AGMO: variants seen among roughly 807,000 people sequenced by gnomAD.
AGMO encodes the protein alkylglycerol monooxygenase, also known as glyceryl-ether monooxygenase.
AGMO carries 75 observed loss-of-function variants against 60.2 expected under a neutral mutation model. The observed-to-expected ratio is 1.25, with a 90% CI of 1.03 to 1.51. The LOEUF is 1.51. Ranked by LOEUF, AGMO falls within the 40% of genes most tolerant of loss-of-function variation. The pLI is 0.00. For missense variants in AGMO, 763 were observed against 525.5 expected, an observed-to-expected ratio of 1.45 and a Z score of -4.42; for synonymous variants, 261 against 177.1, an observed-to-expected ratio of 1.47 and a Z score of -3.76.
the AGMO span, among the ~76,000 whole-genome samples, chr7:15,162,690 T>C: frequency 6.6e-6 from 1 of 152,060 alleles, no homozygotes; most frequent in East Asian, 1.9e-4. Flanking sequence ...TAAAATGCCA[T>C]CTCAAAAATA....
At chr7:15,218,508 G>A (rs1038758165) in intron 12 of AGMO, among the ~76,000 whole-genome samples, 3 of 151,662 alleles carry the variant, frequency 2.0e-5, no homozygotes, top group Non-Finnish European at 4.4e-5. Flanking sequence ...TGGTTGAAGG[G>A]AGTGGGCTTC....
At chr7:15,456,211 G>A (rs572006897) in intron 3 of AGMO, among the ~76,000 whole-genome samples, 4 of 151,842 alleles carry the variant, frequency 2.6e-5, no homozygotes, top group Non-Finnish European at 4.4e-5. Context: ...TTTGTTCTCT[G>A]TATTTTTGTT....
intron 3 of AGMO, among the ~76,000 whole-genome samples, chr7:15,521,646 AC>A (rs1783990553): frequency 6.6e-6 from 1 of 152,264 alleles, no homozygotes; most frequent in South Asian, 2.1e-4. Context: ...AAAATTCAAC[AC>A]CCCTTCATGT....
intron 12 of AGMO, among the ~76,000 whole-genome samples, chr7:15,251,569 T>C (rs923989532): frequency 6.6e-6 from 1 of 152,186 alleles, no homozygotes; most frequent in African/African-American, 2.4e-5. Flanking sequence ...GAAAGCAAGA[T>C]AGATAACCAT....
intron 12 of AGMO, among the ~76,000 whole-genome samples, chr7:15,325,231 T>C (rs1386586908): frequency 6.6e-6 from 1 of 152,158 alleles, no homozygotes; most frequent in Admixed American, 6.5e-5. Context: ...ACTTGCATTA[T>C]ATATCTGCAT....
chr7:15,512,243 T>C (rs529479110), intron 3 of AGMO, among the ~76,000 whole-genome samples: 1 of 152,260 alleles, frequency 6.6e-6, no homozygotes, highest in African/African-American at 2.4e-5. Flanking sequence ...TGTCTGATAT[T>C]TCTTTTTTAA....
intron 12 of AGMO, among the ~76,000 whole-genome samples, chr7:15,230,636 T>C (rs927464878): frequency 4.6e-5 from 7 of 152,202 alleles, no homozygotes; most frequent in Admixed American, 6.5e-5. Context: ...TCTCTTTATC[T>C]GAGGCCTTGT....
chr7:15,496,419 G>A (rs1783234070), intron 3 of AGMO, among the ~76,000 whole-genome samples: 1 of 152,088 alleles, frequency 6.6e-6, no homozygotes. Context: ...GGGCAGGGAT[G>A]CTTAATATCT....
At chr7:15,348,378 A>C (rs1219249572) in intron 12 of AGMO, among the ~76,000 whole-genome samples, 1 of 152,082 alleles carries the variant, frequency 6.6e-6, no homozygotes, top group Admixed American at 6.6e-5. Flanking sequence ...GATCGATGAA[A>C]CTGTTTAGGC....
At chr7:15,162,841 G>A in the AGMO span, among the ~76,000 whole-genome samples, 1 of 152,050 alleles carries the variant, frequency 6.6e-6, no homozygotes, top group Non-Finnish European at 1.5e-5. Context: ...TTGACTATTT[G>A]GGCTGTTTTT....
chr7:15,250,807 T>A (rs1782908400), intron 12 of AGMO, among the ~76,000 whole-genome samples: 1 of 151,824 alleles, frequency 6.6e-6, no homozygotes, highest in African/African-American at 2.4e-5. Context: ...GAGACCGGCA[T>A]GGTGGCAGGT....
intron 12 of AGMO, among the ~76,000 whole-genome samples, chr7:15,346,505 ATATT>A (rs1782037306): frequency 6.6e-6 from 1 of 152,022 alleles, no homozygotes; most frequent in East Asian, 1.9e-4. Context: ...TTTTTAATTG[ATATT>A]TATTTTCATT....
intron 8 of AGMO, among the ~76,000 whole-genome samples, chr7:15,389,914 G>C (rs532528992): frequency 9.2e-5 from 14 of 152,160 alleles, no homozygotes; most frequent in African/African-American, 2.9e-4. Context: ...ACTCGAAGTA[G>C]TCTGGAAAAG....
At chr7:15,441,012 A>G (rs1247696161) in intron 3 of AGMO, among the ~76,000 whole-genome samples, 4 of 152,214 alleles carry the variant, frequency 2.6e-5, no homozygotes, top group Non-Finnish European at 5.9e-5. Flanking sequence ...GCCCTAGGCC[A>G]TGGGTCTGGC....
the AGMO span, among the ~76,000 whole-genome samples, chr7:15,150,834 G>A: frequency 6.6e-6 from 1 of 152,126 alleles, no homozygotes; most frequent in South Asian, 2.1e-4. Context: ...ATGATTCATA[G>A]GATGAATTAG....
chr7:15,412,004 ATCT>A (rs1273253186), intron 5 of AGMO, among the ~76,000 whole-genome samples: 1 of 152,142 alleles, frequency 6.6e-6, no homozygotes, highest in African/African-American at 2.4e-5. Flanking sequence ...CAGAAGTCAG[ATCT>A]TCTAAGTCTC....
At chr7:15,222,249 G>C (rs1018607138) in intron 12 of AGMO, among the ~76,000 whole-genome samples, 50 of 151,938 alleles carry the variant, frequency 3.3e-4, no homozygotes, top group African/African-American at 1.2e-3. Flanking sequence ...TTAGAATCCT[G>C]ACATTACTCA....
intron 12 of AGMO, among the ~76,000 whole-genome samples, chr7:15,255,966 T>TA (rs1250936173): frequency 3.3e-5 from 5 of 152,172 alleles, no homozygotes; most frequent in African/African-American, 4.8e-5. Context: ...GAAGAACAGA[T>TA]ATCAGGGAGG....
chr7:15,187,180 C>G, the AGMO span, among the ~76,000 whole-genome samples: 1 of 152,222 alleles, frequency 6.6e-6, no homozygotes, highest in Non-Finnish European at 1.5e-5. Flanking sequence ...ATGTTTCTTG[C>G]TTTTAAAATA....
Sources: gnomAD v4.1 joint callset for allele counts (sites outside exome capture counted in the v4.1 genomes callset) on GRCh38, gnomAD v4.1.1 for gene constraint, MANE v1.5 for transcripts, NCBI Gene and HGNC (gene_info 2026-07-23, HGNC 2026-07-21) for gene names.